CTNNA3: variants seen among roughly 807,000 people sequenced by gnomAD.
CTNNA3 encodes the protein catenin alpha-3.
CTNNA3 carries 76 observed loss-of-function variants against 95.7 expected under a neutral mutation model. The ratio of observed to expected loss-of-function variants is 0.79; its 90% CI spans 0.66 to 0.96. CTNNA3 has a LOEUF of 0.96. Among genes scored for constraint, CTNNA3 ranks in the 40% least tolerant of loss-of-function variants. CTNNA3 has a pLI of 0.00. For synonymous variants in CTNNA3, 431 were observed against 374.4 expected, an observed-to-expected ratio of 1.15 and a Z score of -1.74; for missense variants, 1,191 against 1,089.8, an observed-to-expected ratio of 1.09 and a Z score of -1.31.
intron 1 of CTNNA3, among the ~76,000 whole-genome samples, chr10:67,709,961 C>A (rs961179676): frequency 6.6e-6 from 1 of 151,932 alleles, no homozygotes; most frequent in African/African-American, 2.4e-5. Context: ...TTTAACAGGC[C>A]CCAGCAAATT....
intron 7 of CTNNA3, among the ~76,000 whole-genome samples, chr10:66,981,552 C>T (rs1850444448): frequency 6.6e-6 from 1 of 152,204 alleles, no homozygotes; most frequent in East Asian, 1.9e-4. Context: ...GGCCAACTTC[C>T]ATAGCACATT....
At chr10:66,019,459 G>A (rs115000692) in intron 15 of CTNNA3, among the ~76,000 whole-genome samples, 2 of 152,154 alleles carry the variant, frequency 1.3e-5, no homozygotes, top group East Asian at 3.9e-4. Context: ...AAAAGTGGGG[G>A]ATCCCACTTC....
In CTNNA3 at chr10:66,284,499, T is replaced by C. The variant is rs371442920; in HGVS notation, c.1733-3878A>G. Among the ~76,000 whole-genome samples the C allele has an allele frequency of 3.1e-4, 47 of 151,784 alleles. No individual in the cohort carries two copies. In the South Asian group the frequency reaches 9.4e-3, roughly 30 times the overall value. ...CCTGGGGGAATTCATGATAATTTTC[T>C]GACAATGCAGTTAACAGACCTACAC... On this transcript the variant is annotated intron_variant, in intron 12 of 17. Transcript: ENST00000433211.
At chr10:66,505,749 T>C (rs1369797437) in intron 11 of CTNNA3, among the ~76,000 whole-genome samples, 1 of 152,158 alleles carries the variant, frequency 6.6e-6, no homozygotes, top group East Asian at 1.9e-4. Context: ...TTGGATTTAC[T>C]TTCATTTCTA....
rs1002878162 is a variant in CTNNA3, at chr10:66,872,926, T to A, written c.1048-97402A>T. Among the ~76,000 whole-genome samples the A allele has an allele frequency of 4.0e-4, 61 of 152,152 alleles. 4 individuals carry two copies. ...GTACACTCAGTGTTTAGCTCCCACT[T>A]GTAAGTGAGAACATCTGATATTTGG... On this transcript the variant is annotated intron_variant, in intron 7 of 17. Coordinates refer to ENST00000433211, the MANE Select transcript of CTNNA3 (RefSeq NM_013266.4).
intron 9 of CTNNA3, among the ~76,000 whole-genome samples, chr10:66,691,639 G>A (rs1489957084): frequency 6.6e-6 from 1 of 152,190 alleles, no homozygotes; most frequent in Non-Finnish European, 1.5e-5. Context: ...GGAGATCTGA[G>A]AATGGGCAGA....
At chr10:67,532,575 T>C (rs1477168616) in intron 4 of CTNNA3, among the ~76,000 whole-genome samples, 1 of 152,158 alleles carries the variant, frequency 6.6e-6, no homozygotes, top group Non-Finnish European at 1.5e-5. Flanking sequence ...AAGTAAAACA[T>C]GACTATGGTA....
At chr10:67,761,729 T>G (rs1299492148) in intron 1 of CTNNA3, among the ~76,000 whole-genome samples, 3 of 151,858 alleles carry the variant, frequency 2.0e-5, no homozygotes, top group Non-Finnish European at 4.4e-5. Flanking sequence ...ATACAAAAAA[T>G]TACCCAGGCG....
intron 17 of CTNNA3, among the ~76,000 whole-genome samples, chr10:65,945,139 TA>T: frequency 7.1e-6 from 1 of 141,332 alleles, no homozygotes; most frequent in African/African-American, 2.7e-5. Flanking sequence ...ACCTCTTCTA[TA>T]AATGTGTGTG....
At chr10:67,452,721 A>C (rs1847033197) in intron 5 of CTNNA3, among the ~76,000 whole-genome samples, 1 of 152,198 alleles carries the variant, frequency 6.6e-6, no homozygotes, top group Non-Finnish European at 1.5e-5. Flanking sequence ...TCTTTGCTTA[A>C]TGAAACTTGT....
intron 3 of CTNNA3, among the ~76,000 whole-genome samples, chr10:67,579,024 TATATATATAC>T (rs1315488001): frequency 0.012 from 1,046 of 87,218 alleles, 27 homozygotes; most frequent in African/African-American, 0.043. Context: ...TATATATATA[TATATATATAC>T]ACACACACAC....
At chr10:66,607,260 A>G (rs1844158350) in intron 10 of CTNNA3, among the ~76,000 whole-genome samples, 2 of 152,020 alleles carry the variant, frequency 1.3e-5, no homozygotes, top group South Asian at 2.1e-4. Flanking sequence ...CAGACTAATA[A>G]TGAGCTCTGA....
chr10:66,902,315 G>C (rs1360047571), intron 7 of CTNNA3, among the ~76,000 whole-genome samples: 2 of 152,130 alleles, frequency 1.3e-5, no homozygotes, highest in Admixed American at 6.5e-5. Flanking sequence ...CAGAAATAAA[G>C]ATGTTCTTTA....
intron 10 of CTNNA3, among the ~76,000 whole-genome samples, chr10:66,544,625 G>A (rs1039555491): frequency 6.6e-6 from 1 of 152,038 alleles, no homozygotes; most frequent in Non-Finnish European, 1.5e-5. Flanking sequence ...TGACCATCTA[G>A]TCGTACCATT....
Position 67,097,683 on chromosome 10 carries a change from T to C in CTNNA3, c.1047+82634A>G, listed in dbSNP as rs1463461679. 3 of 1,612,636 alleles carry C rather than the reference T, an allele frequency of 1.9e-6. No homozygotes were observed. The African/African-American group carries it at 4.0e-5, about 22-fold the overall frequency. On this transcript the variant is annotated intron_variant, in intron 7 of 17. Coordinates refer to ENST00000433211, the MANE Select transcript of CTNNA3 (RefSeq NM_013266.4). ...TCATGAACTTCTCTCCCATAAGTCC[T>C]TTGAAACGAATGCACAGGAAGATAC...
In CTNNA3 at chr10:66,044,601, G is replaced by A. The variant is rs147365751; in HGVS notation, c.2159+24707C>T. 2.4e-3 allele frequency among the ~76,000 whole-genome samples: 364 copies of A among 152,096 alleles called. 6 individuals are homozygous for A. Among genetic ancestry groups the A allele is most frequent in the African/African-American group, 8.5e-3 (351 of 41,488 alleles). The stretch of plus-strand genomic sequence containing the variant: ...TCTATGCTGTTTTTTTGGCCAAAAT[G>A]TTTTTATCCTTTTTCTGTCATCAGC... On this transcript the variant is annotated intron_variant, in intron 15 of 17. Coordinates refer to ENST00000433211, the MANE Select transcript of CTNNA3 (RefSeq NM_013266.4).
At chr10:67,362,078 T>G (rs577205052) in intron 5 of CTNNA3, among the ~76,000 whole-genome samples, 1 of 151,940 alleles carries the variant, frequency 6.6e-6, no homozygotes, top group Non-Finnish European at 1.5e-5. Flanking sequence ...AGGAAGAAAT[T>G]AAAACTCTGA....
chr10:65,955,289 T>G (rs1027174069), intron 17 of CTNNA3, among the ~76,000 whole-genome samples: 2 of 152,194 alleles, frequency 1.3e-5, no homozygotes, highest in African/African-American at 4.8e-5. Flanking sequence ...GATTTTGGGT[T>G]GAGACGATGG....
chr10:67,702,256 C>A (rs1197070687), intron 1 of CTNNA3, among the ~76,000 whole-genome samples: 1 of 152,120 alleles, frequency 6.6e-6, no homozygotes. Flanking sequence ...GAATTGAACT[C>A]AGCTCTGCAC....
Sources: gnomAD v4.1 joint callset for allele counts (sites outside exome capture counted in the v4.1 genomes callset) on GRCh38, gnomAD v4.1.1 for gene constraint, MANE v1.5 for transcripts, NCBI Gene and HGNC (gene_info 2026-07-23, HGNC 2026-07-21) for gene names.